RAB5B: variants seen among roughly 807,000 people sequenced by gnomAD.
RAB5B encodes RAB5B, member RAS oncogene family.
A neutral mutation model predicts 28.6 loss-of-function variants in RAB5B; 11 were observed. The ratio of observed to expected loss-of-function variants is 0.38; its 90% CI spans 0.24 to 0.64. The LOEUF is 0.64. RAB5B is among the 30% of genes least tolerant of loss of function. The pLI, the probability that RAB5B is intolerant of heterozygous loss-of-function variation, is 0.53. For synonymous variants in RAB5B, 93 were observed against 97.9 expected (o/e 0.95, Z 0.29); for missense variants, 169 against 265.6 (o/e 0.64, Z 2.53).
In RAB5B at chr12:55,994,694, GAAAA is replaced by G. The variant is rs1033074726; in HGVS notation, c.*2486_*2489del. The G allele has an allele frequency of 6.6e-6, 1 of 152,220 alleles. No individual in the cohort carries two copies. Among genetic ancestry groups the G allele is most frequent in the African/African-American group, 2.4e-5 (1 of 41,320 alleles). 9.4% of individuals were successfully genotyped at this position (152,220 alleles called of 1,614,324 possible). A position where few individuals can be genotyped will look rare whatever the true frequency, so the allele number is the denominator to read the frequency against. ...ATGTATTTAATGTAAGTAAAAAAAG[GAAAA>G]AAAGAAAAGGGCATTGGAGTGTTGC... On this transcript the variant is annotated 3_prime_UTR_variant, in exon 6 of 6. Coordinates refer to ENST00000360299, the MANE Select transcript of RAB5B (RefSeq NM_002868.4).
At chr12:55,989,152 G>C (rs938552663) in intron 2 of RAB5B, among the ~76,000 whole-genome samples, 1 of 151,706 alleles carries the variant, frequency 6.6e-6, no homozygotes, top group Non-Finnish European at 1.5e-5. Flanking sequence ...ATGTTGGCCA[G>C]GCTGGTCTCG....
chr12:55,992,511 G>GT lies in RAB5B; in HGVS notation c.*300dup, dbSNP rs1890165129. On this transcript the variant is annotated 3_prime_UTR_variant, in exon 6 of 6. Transcript: ENST00000360299. ...TTATAGGTACAAGACAGCGACTTAC[G>GT]TATCTTTTCTCCTCCTCCCTAGTGT... The GT allele has an allele frequency of 1.8e-6, 1 of 546,958 alleles. No individual in the cohort carries two copies. Among genetic ancestry groups the GT allele is most frequent in the South Asian group, 1.5e-5 (1 of 65,308 alleles). The allele number at this position is 546,958 out of a possible 1,614,324, so 33.9% of individuals were successfully genotyped here. A position where few individuals can be genotyped will look rare whatever the true frequency, so the allele number is the denominator to read the frequency against.
rs1889972425 is a variant in RAB5B, at chr12:55,987,064, G to A, written c.104G>A (p.Ser35Asn). Reference protein sequence around the residue: ...LLGESAVGKSSLVLRFVKGQF... With the variant: ...LLGESAVGKSNLVLRFVKGQF... ...GGAGAATCTGCAGTGGGAAAGTCAA[G>A]CCTGGTATTACGTTTTGTCAAAGGG... The change falls in exon 2 of 6, where the codon AGC (serine) becomes AAC (asparagine). Residue 35 changes from serine (S) to asparagine (N), a missense_variant. Ser to Asn is a conservative substitution (Grantham distance 46). Transcript: ENST00000360299. 1 of 1,613,948 alleles carries A rather than the reference G, an allele frequency of 6.2e-7. No individual in the cohort carries two copies. Among genetic ancestry groups the A allele is most frequent in the Non-Finnish European group, 8.5e-7 (1 of 1,179,978 alleles).
intron 1 of RAB5B, among the ~76,000 whole-genome samples, chr12:55,977,396 C>G (rs1275019561): frequency 1.3e-5 from 2 of 152,136 alleles, no homozygotes; most frequent in African/African-American, 4.8e-5. Context: ...CCTGGAGTTG[C>G]AAAAATATAT....
chr12:55,986,764 A>G, intron 1 of RAB5B, 105 bp from the exon 2 acceptor site: 2 of 603,288 alleles, frequency 3.3e-6, no homozygotes, highest in Non-Finnish European at 5.9e-6. Context: ...CTCAGAGCTA[A>G]GTCCTCATAG....
At chr12:55,982,177 G>C (rs1164600063) in intron 1 of RAB5B, among the ~76,000 whole-genome samples, 2 of 149,370 alleles carry the variant, frequency 1.3e-5, no homozygotes, top group Non-Finnish European at 3.0e-5. Flanking sequence ...AGAGAAACCT[G>C]CCCCATCTCC....
intron 1 of RAB5B, among the ~76,000 whole-genome samples, chr12:55,983,559 C>T (rs1005608317): frequency 1.3e-5 from 2 of 151,960 alleles, no homozygotes; most frequent in East Asian, 1.9e-4. Flanking sequence ...AAGTAATTGT[C>T]ATGTTCCTCT....
At position 55,994,670 on chromosome 12, in the gene RAB5B, T is replaced by C. The variant is rs889671583; in HGVS notation, c.*2458T>C. On this transcript the variant is annotated 3_prime_UTR_variant, in exon 6 of 6. Coordinates refer to ENST00000360299, the MANE Select transcript of RAB5B (RefSeq NM_002868.4). The stretch of plus-strand genomic sequence containing the variant: ...CAGAATGCGACTGCTGATTTACCGA[T>C]GTATTTAATGTAAGTAAAAAAAGGA... The C allele has an allele frequency of 2.0e-5, 3 of 152,540 alleles. No homozygotes were observed. Among genetic ancestry groups the C allele is most frequent in the African/African-American group, 7.2e-5 (3 of 41,406 alleles). The allele number at this position is 152,540 out of a possible 1,614,324, so 9.4% of individuals were successfully genotyped here. A position where few individuals can be genotyped will look rare whatever the true frequency, so the allele number is the denominator to read the frequency against.
intron 3 of RAB5B, 21 bp from the exon 4 acceptor site, chr12:55,990,661 A>G (rs771571812): frequency 1.9e-6 from 3 of 1,612,770 alleles, no homozygotes; most frequent in East Asian, 4.5e-5. Context: ...CAGCCTACTC[A>G]TTCTCTTCAT....
At chr12:55,978,866 G>A (rs533809239) in intron 1 of RAB5B, among the ~76,000 whole-genome samples, 4 of 149,900 alleles carry the variant, frequency 2.7e-5, no homozygotes, top group South Asian at 2.2e-4. Context: ...TCCGCCTCCC[G>A]GGCTCAAGCA....
intron 1 of RAB5B, among the ~76,000 whole-genome samples, chr12:55,979,078 T>A (rs937489869): frequency 6.6e-6 from 1 of 152,130 alleles, no homozygotes; most frequent in Non-Finnish European, 1.5e-5. Flanking sequence ...TGGCCAGAAA[T>A]ACAGTCTTAA....
intron 1 of RAB5B, chr12:55,980,688 G>A: frequency 6.3e-7 from 1 of 1,586,342 alleles, no homozygotes; most frequent in Non-Finnish European, 8.7e-7. Flanking sequence ...AGCAAGAGGT[G>A]CTCCACCCCA....
chr12:55,990,666 C>T lies in RAB5B; in HGVS notation c.316-16C>T. 6.2e-7 allele frequency: 1 copy of T among 1,612,888 alleles called. No homozygotes were observed. Among genetic ancestry groups the T allele is most frequent in the Non-Finnish European group, 8.5e-7 (1 of 1,179,346 alleles). ...GCAGTCATTCCAGCCTACTCATTCT[C>T]TTCATGTTTTCCTAGGAAACCTTTG... On this transcript the variant is annotated splice_polypyrimidine_tract_variant and intron_variant, in intron 3 of 5. Coordinates refer to ENST00000360299, the MANE Select transcript of RAB5B (RefSeq NM_002868.4).
chr12:55,990,029 T>C lies in RAB5B; in HGVS notation c.246T>C (p.Tyr82=), dbSNP rs773803221. 1.2e-6 allele frequency: 2 copies of C among 1,614,136 alleles called. No homozygotes were observed. The highest frequency in any genetic ancestry group is 1.7e-6 in the Non-Finnish European group (2 of 1,180,004). ...GGGACACAGCTGGGCAGGAGCGATATCACAGCTTAGCCCCCATGTACTACA... is the reference window on the plus strand; with the variant it reads ...GGGACACAGCTGGGCAGGAGCGATACCACAGCTTAGCCCCCATGTACTACA... ...EIWDTAGQER[Y]HSLAPMYYRG... The change falls in exon 3 of 6, where the codon TAT becomes TAC. Residue 82 remains tyrosine (Y), a synonymous_variant. Coordinates refer to ENST00000360299, the MANE Select transcript of RAB5B (RefSeq NM_002868.4).
chr12:55,979,380 G>A (rs1889736661), intron 1 of RAB5B: 1 of 152,134 alleles, frequency 6.6e-6, no homozygotes, highest in East Asian at 1.9e-4. Flanking sequence ...AGGTAACACT[G>A]GATCAACAAA....
Position 55,987,483 on chromosome 12 carries a change from G to C in RAB5B, c.163+360G>C, listed in dbSNP as rs148835571. ...CGGGCCGGTAAGGCTTTTGAAAAGA[G>C]ATATAAGACCTGATTATGGAGCTGG... On this transcript the variant is annotated intron_variant, in intron 2 of 5. Transcript: ENST00000360299. Among the ~76,000 whole-genome samples the C allele has an allele frequency of 1.2e-4, 19 of 152,078 alleles. No individual in the cohort carries two copies. The East Asian group carries it at 3.5e-3, about 28-fold the overall frequency.
At chr12:55,991,241 G>A in intron 4 of RAB5B, 119 bp from the exon 5 acceptor site, 1 of 699,286 alleles carries the variant, frequency 1.4e-6, no homozygotes, top group Admixed American at 2.3e-5. Flanking sequence ...GCTCAAAGGG[G>A]TATTAATTAA....
rs752293790 is a variant in RAB5B at position 55,986,999 on chromosome 12, C to T, written c.39C>T (p.Pro13=). 13 of 1,612,954 alleles carry T rather than the reference C, an allele frequency of 8.1e-6. No homozygotes were observed. Among genetic ancestry groups the T allele is most frequent in the African/African-American group, 1.3e-5 (1 of 74,572 alleles). The change falls in exon 2 of 6, where the codon CCC becomes CCT. Residue 13 remains proline, a synonymous_variant. Transcript: ENST00000360299. ...GCACAGCTAGGCCCAATGGGCAACCCCAGGCCAGCAAAATTTGCCAGTTCA... is the reference window on the plus strand; with the variant it reads ...GCACAGCTAGGCCCAATGGGCAACCTCAGGCCAGCAAAATTTGCCAGTTCA... ...SRSTARPNGQ[P]QASKICQFKL...
chr12:55,976,251 G>A (rs1380582387), intron 1 of RAB5B, among the ~76,000 whole-genome samples: 2 of 152,106 alleles, frequency 1.3e-5, no homozygotes, highest in Non-Finnish European at 2.9e-5. Context: ...GTGTTTTCAT[G>A]TTCTCATCAA....
Sources: allele counts gnomAD v4.1 joint callset (sites outside exome capture counted in the v4.1 genomes callset), GRCh38; gene constraint gnomAD v4.1.1; transcripts MANE v1.5; gene names NCBI Gene and HGNC (gene_info 2026-07-23, HGNC 2026-07-21).